The following INVS variants were observed in gnomAD, a reference collection of about 807,000 sequenced individuals.
INVS encodes inversin.
A neutral mutation model predicts 108.8 loss-of-function variants in INVS; 86 were observed. The ratio of observed to expected loss-of-function variants is 0.79; its 90% confidence interval spans 0.66 to 0.95. The LOEUF is 0.95. Among genes scored for constraint, INVS ranks in the 40% least tolerant of loss-of-function variants. INVS has a pLI of 0.00. For missense variants in INVS, 1,169 were observed against 1,297.4 expected (o/e 0.90, Z 1.52); for synonymous variants, 455 against 473.5 (o/e 0.96, Z 0.51).
chr9:100,299,642 ACACACACACACACACACACACACACAC>A (rs1833904129), intron 16 of INVS, among the ~76,000 whole-genome samples: 1 of 25,644 alleles, frequency 3.9e-5, no homozygotes, highest in African/African-American at 2.2e-4. Flanking sequence ...ATTGACACAC[ACACACACACACACACACACACACACAC>A]ACACACACAC....
intron 3 of INVS, among the ~76,000 whole-genome samples, chr9:100,145,994 T>C (rs1828597451): frequency 6.6e-6 from 1 of 152,158 alleles, no homozygotes; most frequent in Non-Finnish European, 1.5e-5. Flanking sequence ...AGATGTTCCT[T>C]GGGCTGGTGG....
intron 3 of INVS, among the ~76,000 whole-genome samples, chr9:100,216,433 G>T (rs1049359358): frequency 1.3e-5 from 2 of 152,284 alleles, no homozygotes; most frequent in East Asian, 1.9e-4. Flanking sequence ...CCAGGCCAAG[G>T]CATTTAAGGG....
At chr9:100,256,328 G>A (rs1832419508) in intron 10 of INVS, among the ~76,000 whole-genome samples, 1 of 151,750 alleles carries the variant, frequency 6.6e-6, no homozygotes, top group African/African-American at 2.4e-5. Flanking sequence ...AGTCTTGCTA[G>A]TTGTCTATCA....
At chr9:100,252,140 A>G in intron 8 of INVS, 143 bp from the exon 9 acceptor site, 1 of 980,950 alleles carries the variant, frequency 1.0e-6, no homozygotes, top group South Asian at 1.4e-5. Flanking sequence ...CTAAAAAAGC[A>G]AAAAATAAAT....
chr9:100,157,267 C>CTTTTCTTTTTT (rs1829021467), intron 3 of INVS, among the ~76,000 whole-genome samples: 1 of 130,098 alleles, frequency 7.7e-6, no homozygotes, highest in Non-Finnish European at 1.6e-5. Flanking sequence ...TCTTTTTTTT[C>CTTTTCTTTTTT]TTTTTTTTTT....
At chr9:100,183,437 A>G (rs1049019957) in intron 3 of INVS, among the ~76,000 whole-genome samples, 1 of 152,236 alleles carries the variant, frequency 6.6e-6, no homozygotes, top group Non-Finnish European at 1.5e-5. Flanking sequence ...CTATCTTTCC[A>G]GAATAAAACT....
intron 3 of INVS, among the ~76,000 whole-genome samples, chr9:100,133,952 T>C (rs930315141): frequency 3.3e-5 from 5 of 152,192 alleles, no homozygotes; most frequent in African/African-American, 1.2e-4. Context: ...ACTTCTATTT[T>C]TCCATAAGTT....
At chr9:100,279,895 C>T (rs906426378) in intron 12 of INVS, among the ~76,000 whole-genome samples, 1 of 152,234 alleles carries the variant, frequency 6.6e-6, no homozygotes, top group Admixed American at 6.5e-5. Context: ...ATTTAGAAGG[C>T]ACATAGTGGG....
intron 5 of INVS, among the ~76,000 whole-genome samples, chr9:100,236,102 A>T (rs1831679344): frequency 6.6e-6 from 1 of 152,074 alleles, no homozygotes; most frequent in African/African-American, 2.4e-5. Flanking sequence ...TTATTTCATT[A>T]AGTTGATCTT....
chr9:100,108,373 CTCCTCA>C (rs952732712), intron 2 of INVS, among the ~76,000 whole-genome samples: 3 of 152,158 alleles, frequency 2.0e-5, no homozygotes, highest in Non-Finnish European at 4.4e-5. Flanking sequence ...GAGGGTGCCA[CTCCTCA>C]TCTTTTAAGA....
intron 3 of INVS, chr9:100,175,904 G>A: frequency 1.7e-6 from 1 of 591,696 alleles, no homozygotes; most frequent in South Asian, 1.4e-5. Flanking sequence ...TGCGGTTCCA[G>A]CAAATTCTTC....
intron 12 of INVS, 93 bp downstream of exon 12, chr9:100,273,169 A>G (rs1833007866): frequency 4.5e-6 from 4 of 896,190 alleles, no homozygotes; most frequent in African/African-American, 1.6e-5. Flanking sequence ...GGAGAGGGAA[A>G]CAGATGAGAA....
At position 100,292,591 on chromosome 9, in the gene INVS, G is replaced by A. The variant is rs150102201; in HGVS notation, c.2334G>A (p.Arg778=). The A allele has an allele frequency of 8.1e-6, 13 of 1,614,192 alleles. No individual in the cohort carries two copies. Among genetic ancestry groups the A allele is most frequent in the South Asian group, 2.2e-5 (2 of 91,082 alleles). The part of the protein sequence containing the change: ...PPHDSHWKPS[R]RHDTEPKAKC... The stretch of plus-strand genomic sequence containing the variant: ...ACGATAGCCACTGGAAGCCCAGCAG[G>A]CGGCATGACACAGAACCCAAGGCCA... The change falls in exon 14 of 17, where the codon AGG becomes AGA. Residue 778 remains arginine, a synonymous_variant. Transcript: ENST00000262457.
intron 11 of INVS, among the ~76,000 whole-genome samples, chr9:100,265,130 AGATGG>A (rs1832750400): frequency 1.3e-5 from 2 of 151,950 alleles, no homozygotes; most frequent in South Asian, 4.1e-4. Context: ...TTTTTAGTAG[AGATGG>A]GGTTTCACCA....
chr9:100,152,263 A>G (rs1828831610), intron 3 of INVS, among the ~76,000 whole-genome samples: 1 of 152,208 alleles, frequency 6.6e-6, no homozygotes, highest in African/African-American at 2.4e-5. Flanking sequence ...ACGACACTCA[A>G]TCAATGCTTG....
chr9:100,201,979 C>T (rs973792873), intron 3 of INVS, among the ~76,000 whole-genome samples: 1 of 152,174 alleles, frequency 6.6e-6, no homozygotes, highest in Admixed American at 6.5e-5. Flanking sequence ...GCAAGTCTGG[C>T]CATAGTGCTT....
rs372088206 is a variant in INVS, at chr9:100,226,072, G to A, written c.284G>A (p.Arg95His). The change falls in exon 4 of 17, where the codon CGT becomes CAT. Residue 95 changes from arginine (R) to histidine (H), a missense_variant. By Grantham distance (29) the Arg-to-His change is conservative. Transcript: ENST00000262457. ...LHLAAQKGNY[R>H]FMKLLLTRRA... is the part of the protein sequence containing the mutation. ...TTGTTTTTTATTTAGGGAAATTATC[G>A]TTTCATGAAACTCTTACTTACACGC... 136 of 1,611,034 alleles carry A rather than the reference G, an allele frequency of 8.4e-5. No individual in the cohort carries two copies. Among genetic ancestry groups the A allele is most frequent in the Middle Eastern group, 1.7e-4 (1 of 6,054 alleles).
intron 13 of INVS, among the ~76,000 whole-genome samples, chr9:100,291,504 A>G (rs762627234): frequency 6.6e-5 from 10 of 152,178 alleles, no homozygotes; most frequent in Non-Finnish European, 1.3e-4. Context: ...TGCTTATGGT[A>G]CATTGTTTCC....
At chr9:100,294,995 G>A (rs1833746408) in intron 14 of INVS, among the ~76,000 whole-genome samples, 1 of 152,218 alleles carries the variant, frequency 6.6e-6, no homozygotes, top group Non-Finnish European at 1.5e-5. Flanking sequence ...TGCCAGGGCT[G>A]GCTTTGAGCC....
Sources: allele counts gnomAD v4.1 joint callset (sites outside exome capture counted in the v4.1 genomes callset), GRCh38; gene constraint gnomAD v4.1.1; transcripts MANE v1.5; gene names NCBI Gene and HGNC (gene_info 2026-07-23, HGNC 2026-07-21).